The following ST6GALNAC3 variants were observed in gnomAD, a reference collection of about 807,000 sequenced individuals.
The protein encoded by ST6GALNAC3 is alpha-N-acetylgalactosaminide alpha-2,6-sialyltransferase 3.
A neutral mutation model predicts 32.7 loss-of-function variants in ST6GALNAC3; 25 were observed. The ratio of observed to expected loss-of-function variants is 0.76; its 90% CI spans 0.56 to 1.07. The LOEUF (loss-of-function observed/expected upper bound fraction) is 1.07, where lower values mean the gene tolerates loss of function less well. Among genes scored for constraint, ST6GALNAC3 ranks in the 50% least tolerant of loss-of-function variants. ST6GALNAC3 has a pLI of 0.00. For missense variants in ST6GALNAC3, 355 were observed against 382.4 expected (o/e 0.93, Z 0.60); for synonymous variants, 129 against 133.1 (o/e 0.97, Z 0.21).
chr1:76,586,771 T>A (rs140641451), intron 3 of ST6GALNAC3, among the ~76,000 whole-genome samples: 664 of 152,310 alleles, frequency 4.4e-3, no homozygotes, highest in African/African-American at 0.015. Context: ...CTATTTACCG[T>A]CTTTGTCAAA....
intron 3 of ST6GALNAC3, among the ~76,000 whole-genome samples, chr1:76,527,600 T>C (rs982143276): frequency 2.2e-4 from 34 of 152,120 alleles, no homozygotes; most frequent in Non-Finnish European, 8.8e-5. Context: ...TGTCCCATGC[T>C]AATAGGCAAT....
At chr1:76,133,710 G>T (rs1269937418) in intron 1 of ST6GALNAC3, among the ~76,000 whole-genome samples, 2 of 152,222 alleles carry the variant, frequency 1.3e-5, no homozygotes, top group Non-Finnish European at 2.9e-5. Flanking sequence ...TCCAGCTGCT[G>T]ATCTCAGGGG....
chr1:76,202,190 C>CCTGCCTCTGCTCTCCT (rs1202200535), intron 1 of ST6GALNAC3, among the ~76,000 whole-genome samples: 1 of 151,528 alleles, frequency 6.6e-6, no homozygotes, highest in Non-Finnish European at 1.5e-5. Context: ...GTGATATTTA[C>CCTGCCTCTGCTCTCCT]CTGGAGAGCA....
intron 3 of ST6GALNAC3, among the ~76,000 whole-genome samples, chr1:76,560,718 CT>C (rs1271992483): frequency 6.6e-6 from 1 of 152,166 alleles, no homozygotes; most frequent in Non-Finnish European, 1.5e-5. Context: ...AAAGGAAACC[CT>C]TGCACACTGT....
chr1:76,491,125 T>C (rs2101691774), intron 3 of ST6GALNAC3, among the ~76,000 whole-genome samples: 1 of 152,304 alleles, frequency 6.6e-6, no homozygotes, highest in Non-Finnish European at 1.5e-5. Context: ...TCCAAAGTGC[T>C]GGGATTACAG....
chr1:76,106,603 C>G lies in ST6GALNAC3; in HGVS notation c.18+31719C>G, dbSNP rs192435346. ...CATGCTCCTCAAATGCTGAAGCAGTCATGTCACTTGGTGGGGTGAGGTGGA... is the reference window on the plus strand; with the variant it reads ...CATGCTCCTCAAATGCTGAAGCAGTGATGTCACTTGGTGGGGTGAGGTGGA... On this transcript the variant is annotated intron_variant, in intron 1 of 4. Transcript: ENST00000328299. 4.6e-3 allele frequency among the ~76,000 whole-genome samples: 693 copies of G among 152,228 alleles called. 9 individuals carry two copies. The highest frequency in any genetic ancestry group is 0.015 in the African/African-American group (627 of 41,536).
At chr1:76,436,016 C>T (rs891757829) in intron 3 of ST6GALNAC3, among the ~76,000 whole-genome samples, 1 of 152,076 alleles carries the variant, frequency 6.6e-6, no homozygotes, top group Admixed American at 6.5e-5. Context: ...ATCCCTCACT[C>T]CCTTCCCACC....
chr1:76,102,246 TG>T lies in ST6GALNAC3; in HGVS notation c.18+27363del, dbSNP rs1204012498. Among the ~76,000 whole-genome samples the T allele has an allele frequency of 3.5e-4, 53 of 151,726 alleles. No homozygotes were observed. The East Asian group carries it at 0.01, about 29-fold the overall frequency. On this transcript the variant is annotated intron_variant, in intron 1 of 4. Transcript: ENST00000328299. Reference sequence around the variant, plus strand: ...TTTGCCTGGTGTGTTTGTGTGTGTGTGTGTGTGTGTGTGTGTGTGTGCCTAT... The same window carrying T: ...TTTGCCTGGTGTGTTTGTGTGTGTGTTGTGTGTGTGTGTGTGTGTGCCTAT...
At chr1:76,291,952 CA>C (rs1660121997) in intron 1 of ST6GALNAC3, among the ~76,000 whole-genome samples, 4 of 152,220 alleles carry the variant, frequency 2.6e-5, no homozygotes, top group Admixed American at 2.6e-4. Context: ...GACTGGTGGA[CA>C]ACTCATCTCA....
chr1:76,533,125 A>G (rs1557538579), intron 3 of ST6GALNAC3, among the ~76,000 whole-genome samples: 1 of 152,160 alleles, frequency 6.6e-6, no homozygotes, highest in Non-Finnish European at 1.5e-5. Flanking sequence ...TCATTATTTA[A>G]AAATAGAGAT....
chr1:76,458,524 G>A (rs1658020093), intron 3 of ST6GALNAC3, among the ~76,000 whole-genome samples: 1 of 140,220 alleles, frequency 7.1e-6, no homozygotes, highest in South Asian at 2.3e-4. Flanking sequence ...AGAAAATGTG[G>A]CACATATACA....
At chr1:76,510,331 C>T (rs1319780816) in intron 3 of ST6GALNAC3, among the ~76,000 whole-genome samples, 1 of 151,988 alleles carries the variant, frequency 6.6e-6, no homozygotes, top group African/African-American at 2.4e-5. Context: ...GATTTCTACC[C>T]TTCACCAAAA....
chr1:76,607,188 G>T (rs1647613201), intron 3 of ST6GALNAC3, among the ~76,000 whole-genome samples: 1 of 152,218 alleles, frequency 6.6e-6, no homozygotes, highest in African/African-American at 2.4e-5. Context: ...AAATGGAAGA[G>T]ATCCAAGGGC....
intron 1 of ST6GALNAC3, among the ~76,000 whole-genome samples, chr1:76,121,152 T>G (rs956992696): frequency 1.8e-4 from 28 of 152,236 alleles, no homozygotes; most frequent in African/African-American, 6.3e-4. Context: ...TCATCACATC[T>G]GCAAAGTCCC....
intron 3 of ST6GALNAC3, among the ~76,000 whole-genome samples, chr1:76,621,501 T>C (rs77069233): frequency 1.3e-3 from 204 of 152,200 alleles, no homozygotes; most frequent in African/African-American, 4.2e-3. Context: ...GTCCTGTTGA[T>C]AGATAGTACA....
chr1:76,151,253 G>C (rs1651021568), intron 1 of ST6GALNAC3, among the ~76,000 whole-genome samples: 1 of 152,208 alleles, frequency 6.6e-6, no homozygotes, highest in South Asian at 2.1e-4. Flanking sequence ...GGAACCTTCA[G>C]ATGTTGTGGG....
chr1:76,324,152 G>A (rs1011203988), intron 2 of ST6GALNAC3, among the ~76,000 whole-genome samples: 5 of 152,168 alleles, frequency 3.3e-5, no homozygotes, highest in Admixed American at 6.6e-5. Context: ...CACCATGCCC[G>A]GTTGAAGAAG....
intron 3 of ST6GALNAC3, among the ~76,000 whole-genome samples, chr1:76,421,875 C>T (rs1205367028): frequency 1.3e-5 from 2 of 151,850 alleles, no homozygotes; most frequent in Non-Finnish European, 2.9e-5. Flanking sequence ...CTCCATTTTC[C>T]TTAGAATAAA....
intron 1 of ST6GALNAC3, among the ~76,000 whole-genome samples, chr1:76,279,761 A>ACCTCAGGAGCCTTGCTGGAGTCT (rs1553172886): frequency 6.6e-6 from 1 of 152,200 alleles, no homozygotes; most frequent in Admixed American, 6.5e-5. Context: ...GGCACACTGG[A>ACCTCAGGAGCCTTGCTGGAGTCT]CCTCAGGAGC....
Sources: gnomAD v4.1 joint callset for allele counts (sites outside exome capture counted in the v4.1 genomes callset) on GRCh38, gnomAD v4.1.1 for gene constraint, MANE v1.5 for transcripts, NCBI Gene and HGNC (gene_info 2026-07-23, HGNC 2026-07-21) for gene names.